MSH3: variants seen among roughly 807,000 people sequenced by gnomAD.
MSH3 encodes mutS homolog 3.
A neutral mutation model predicts 123.3 loss-of-function variants in MSH3; 106 were observed. The observed-to-expected ratio is 0.86, with a 90% CI of 0.73 to 1.01. The LOEUF (loss-of-function observed/expected upper bound fraction) is 1.01. MSH3 is among the 50% of genes least tolerant of loss of function. MSH3 has a pLI of 0.00. For synonymous variants in MSH3, 515 were observed against 481.4 expected (o/e 1.07, Z -0.91); for missense variants, 1,459 against 1,347.6 (o/e 1.08, Z -1.29).
intron 8 of MSH3, among the ~76,000 whole-genome samples, chr5:80,687,108 A>G (rs1750109363): frequency 6.6e-6 from 1 of 152,226 alleles, no homozygotes. Context: ...ATAGTAATCT[A>G]AAATTATTAC....
intron 15 of MSH3, among the ~76,000 whole-genome samples, chr5:80,770,419 T>C (rs1218867841): frequency 6.6e-6 from 1 of 152,204 alleles, no homozygotes; most frequent in Non-Finnish European, 1.5e-5. Flanking sequence ...TTTTTAATCA[T>C]AAAGTGCTAT....
In MSH3 at chr5:80,744,572, C is replaced by T. The variant is rs771054581; in HGVS notation, c.1720C>T (p.Arg574Trp). The T allele has an allele frequency of 2.0e-5, 33 of 1,613,486 alleles. No individual in the cohort carries two copies. The highest frequency in any genetic ancestry group is 1.6e-4 in the East Asian group (7 of 44,858). Reference sequence around the variant, plus strand: ...CCACACTAAAACTTCATTTGGGAGACGGAAGTTAAAGAAGTGGGTGACCCA... The same window carrying T: ...CCACACTAAAACTTCATTTGGGAGATGGAAGTTAAAGAAGTGGGTGACCCA... The part of the protein sequence containing the change: ...LDHTKTSFGR[R>W]KLKKWVTQPL... Residue 574 changes from arginine (R) to tryptophan (W), a missense_variant, in exon 12 of 24, where the codon CGG (arginine) becomes TGG (tryptophan). By Grantham distance (101) the Arg-to-Trp change is moderately radical. Coordinates refer to ENST00000265081, the MANE Select transcript of MSH3 (RefSeq NM_002439.5).
chr5:80,684,535 A>C (rs541687916), intron 8 of MSH3, among the ~76,000 whole-genome samples: 1 of 152,310 alleles, frequency 6.6e-6, no homozygotes, highest in South Asian at 2.1e-4. Context: ...GTGTCCTGCA[A>C]CTTTACTGAA....
intron 13 of MSH3, among the ~76,000 whole-genome samples, chr5:80,766,904 AT>A (rs1013564478): frequency 1.3e-5 from 2 of 152,062 alleles, no homozygotes; most frequent in African/African-American, 4.8e-5. Flanking sequence ...TGATATTTAG[AT>A]TTTTTATTTA....
chr5:80,791,278 A>T (rs1424664379), intron 18 of MSH3, among the ~76,000 whole-genome samples: 1 of 152,224 alleles, frequency 6.6e-6, no homozygotes, highest in African/African-American at 2.4e-5. Flanking sequence ...TTTTGCAATT[A>T]TGGAGCAAAG....
chr5:80,767,079 T>C (rs1415267058), intron 13 of MSH3, among the ~76,000 whole-genome samples: 1 of 152,198 alleles, frequency 6.6e-6, no homozygotes, highest in Non-Finnish European at 1.5e-5. Flanking sequence ...TAATTTTCTT[T>C]TAGCTGTTTC....
At chr5:80,659,103 G>A (rs1012354793) in intron 2 of MSH3, among the ~76,000 whole-genome samples, 21 of 151,952 alleles carry the variant, frequency 1.4e-4, no homozygotes, top group African/African-American at 4.8e-4. Context: ...ATGTGGTGGC[G>A]GGCGCCAGTG....
rs759128700 is a variant in MSH3, at chr5:80,656,480, A to G, written c.307A>G (p.Lys103Glu). ...TGGGCCTGTTAAAAAGAAAGTAAAG[A>G]AAGTCCAACAAAAGGAAGGAGGAAG... ...NDGPVKKKVK[K>E]VQQKEGGSDL... The change falls in exon 2 of 24, where the codon AAA becomes GAA. Residue 103 changes from lysine to glutamate, a missense_variant. Coordinates refer to ENST00000265081, the MANE Select transcript of MSH3 (RefSeq NM_002439.5). The G allele has an allele frequency of 6.8e-6, 11 of 1,614,106 alleles. No homozygotes were observed. In the Middle Eastern group the frequency reaches 4.9e-4, roughly 72 times the overall value.
At position 80,778,273 on chromosome 5, in the gene MSH3, CTTTT is replaced by C. The variant is rs532905564; in HGVS notation, c.2319-444_2319-441del. ...TTAATGCATTGCTTTCTTTGTAATG[CTTTT>C]TTATTTTTCTTTTTTCACTGAAATA... On this transcript the variant is annotated intron_variant, in intron 16 of 23. Coordinates refer to ENST00000265081, the MANE Select transcript of MSH3 (RefSeq NM_002439.5). Among the ~76,000 whole-genome samples the C allele has an allele frequency of 2.7e-3, 415 of 152,224 alleles. 3 individuals are homozygous for C. Among genetic ancestry groups the C allele is most frequent in the African/African-American group, 9.5e-3 (395 of 41,546 alleles).
At chr5:80,780,609 G>C (rs1261041850) in intron 17 of MSH3, among the ~76,000 whole-genome samples, 1 of 152,174 alleles carries the variant, frequency 6.6e-6, no homozygotes, top group Non-Finnish European at 1.5e-5. Context: ...GCTCACACCT[G>C]TAATCCCAGC....
At chr5:80,712,388 A>C (rs1696880274) in intron 8 of MSH3, among the ~76,000 whole-genome samples, 1 of 152,192 alleles carries the variant, frequency 6.6e-6, no homozygotes, top group Non-Finnish European at 1.5e-5. Flanking sequence ...ACTATTATAA[A>C]AACACCCTTC....
Position 80,784,234 on chromosome 5 carries a change from AAAAAAG to A in MSH3, c.2436-3330_2436-3325del, listed in dbSNP as rs1220378010. 6.8e-3 allele frequency among the ~76,000 whole-genome samples: 899 copies of A among 131,896 alleles called. 156 individuals carry two copies. The highest frequency in any genetic ancestry group is 0.029 in the African/African-American group (811 of 28,180). The allele number at this position is 131,896 out of a possible 152,430, so 86.5% of individuals were successfully genotyped here. On this transcript the variant is annotated intron_variant, in intron 17 of 23. Transcript: ENST00000265081. ...TCGCAAAAAAAAAAAAAAAAAAAAAAAAAAAGGGAAATAAATAAATAAATAAATAAA... is the reference window on the plus strand; with the variant it reads ...TCGCAAAAAAAAAAAAAAAAAAAAAAGGAAATAAATAAATAAATAAATAAA...
At chr5:80,719,561 A>G (rs1220472052) in intron 8 of MSH3, among the ~76,000 whole-genome samples, 1 of 152,184 alleles carries the variant, frequency 6.6e-6, no homozygotes, top group East Asian at 1.9e-4. Flanking sequence ...TTATCATTCA[A>G]ATATCAGGTA....
At chr5:80,864,138 A>G (rs566424465) in intron 21 of MSH3, among the ~76,000 whole-genome samples, 1 of 152,308 alleles carries the variant, frequency 6.6e-6, no homozygotes, top group African/African-American at 2.4e-5. Flanking sequence ...CACAATATAC[A>G]GGGTCAAATA....
chr5:80,674,608 T>C (rs1749795807), intron 6 of MSH3, among the ~76,000 whole-genome samples: 1 of 152,216 alleles, frequency 6.6e-6, no homozygotes, highest in African/African-American at 2.4e-5. Context: ...TTTATGCTCT[T>C]TATATCTTAG....
At chr5:80,712,315 A>C (rs1394578320) in intron 8 of MSH3, among the ~76,000 whole-genome samples, 1 of 152,204 alleles carries the variant, frequency 6.6e-6, no homozygotes, top group Non-Finnish European at 1.5e-5. Flanking sequence ...ATTTTAGTTC[A>C]AAAAATGGAA....
chr5:80,712,820 A>G (rs1205418219), intron 8 of MSH3, among the ~76,000 whole-genome samples: 1 of 151,868 alleles, frequency 6.6e-6, no homozygotes, highest in East Asian at 1.9e-4. Context: ...TATAATTTCA[A>G]ATAATGCCCT....
At chr5:80,715,747 A>AG (rs761932038) in intron 8 of MSH3, among the ~76,000 whole-genome samples, 19 of 152,044 alleles carry the variant, frequency 1.2e-4, no homozygotes, top group Non-Finnish European at 2.2e-4. Flanking sequence ...AGGAAGAGAG[A>AG]GGGGGAGGTG....
chr5:80,810,523 A>G (rs918073637), intron 19 of MSH3, among the ~76,000 whole-genome samples: 2 of 152,080 alleles, frequency 1.3e-5, no homozygotes, highest in African/African-American at 4.8e-5. Flanking sequence ...ATTGCTCTCC[A>G]TATCTTGACA....
Sources: gnomAD v4.1 joint callset for allele counts (sites outside exome capture counted in the v4.1 genomes callset) on GRCh38, gnomAD v4.1.1 for gene constraint, MANE v1.5 for transcripts, NCBI Gene and HGNC (gene_info 2026-07-23, HGNC 2026-07-21) for gene names.